The following BRAF variants were observed in gnomAD, a reference collection of about 807,000 sequenced individuals.
BRAF encodes B-Raf proto-oncogene, serine/threonine kinase.
In BRAF, 16 loss-of-function variants were observed where a neutral mutation model predicts 104.6. That is an observed-to-expected ratio of 0.15 (90% CI 0.10 to 0.23). The LOEUF (loss-of-function observed/expected upper bound fraction) is 0.23, where lower values mean the gene tolerates loss of function less well. Among genes scored for constraint, BRAF ranks in the 10% least tolerant of loss-of-function variants. The pLI is 1.00. For synonymous variants in BRAF, 310 were observed against 341.6 expected, an observed-to-expected ratio of 0.91 and a Z score of 1.02; for missense variants, 541 against 937.3, an observed-to-expected ratio of 0.58 and a Z score of 5.52.
At chr7:140,790,075 C>T (rs1801800942) in intron 8 of BRAF, among the ~76,000 whole-genome samples, 2 of 152,134 alleles carry the variant, frequency 1.3e-5, no homozygotes, top group African/African-American at 2.4e-5. Context: ...GACTTGGTCA[C>T]TGATAAAGCA....
In BRAF at chr7:140,924,364, C is replaced by CG. The variant is rs1237606358; in HGVS notation, c.138+201dup. Among the ~76,000 whole-genome samples the CG allele has an allele frequency of 6.6e-6, 1 of 152,182 alleles. No homozygotes were observed. The highest frequency in any genetic ancestry group is 2.4e-5 in the African/African-American group (1 of 41,460). Reference sequence around the variant, plus strand: ...TGGGGTGGGGGCCAGGGAAACCCCCCGGGCCATTGTGTGTGTTTACGTAGG... The same window carrying CG: ...TGGGGTGGGGGCCAGGGAAACCCCCCGGGGCCATTGTGTGTGTTTACGTAGG... On this transcript the variant is annotated intron_variant, in intron 1 of 19. Transcript: ENST00000644969. This position sits in a 1 kb window ranked among gnomAD's most constrained non-coding sequence, Gnocchi z 4.2.
intron 17 of BRAF, among the ~76,000 whole-genome samples, chr7:140,747,946 T>A (rs1260475875): frequency 6.6e-6 from 1 of 152,216 alleles, no homozygotes; most frequent in East Asian, 1.9e-4. Context: ...GTCATGTTGT[T>A]ACACACTCAA....
Position 140,721,651 on chromosome 7 carries a change from G to C in BRAF, c.*4843C>G. ...CAGAGATGCTACTACCCTCTTCTGG[G>C]GCTCAACTACCGATGGGCATCAGTA... On this transcript the variant is annotated 3_prime_UTR_variant, in exon 20 of 20. Transcript: ENST00000644969. 6.5e-7 allele frequency: 1 copy of C among 1,534,930 alleles called. No individual in the cohort carries two copies. Among genetic ancestry groups the C allele is most frequent in the South Asian group, 1.2e-5 (1 of 83,762 alleles).
chr7:140,747,503 T>G (rs1797449828), intron 17 of BRAF: 1 of 768,834 alleles, frequency 1.3e-6, no homozygotes, highest in Non-Finnish European at 1.9e-6. Context: ...TATCTGTATT[T>G]TGGAGATAAT....
intron 1 of BRAF, among the ~76,000 whole-genome samples, chr7:140,884,338 T>G (rs1431129087): frequency 6.6e-6 from 1 of 151,880 alleles, no homozygotes; most frequent in Admixed American, 6.6e-5. Flanking sequence ...ATAAGATATC[T>G]TTTACTTCTC....
At chr7:140,868,825 T>C (rs886344156) in intron 1 of BRAF, among the ~76,000 whole-genome samples, 2 of 152,220 alleles carry the variant, frequency 1.3e-5, no homozygotes. Context: ...AACTATAGTG[T>C]AAATGCCAAG....
At chr7:140,846,920 C>G (rs1247486195) in intron 2 of BRAF, among the ~76,000 whole-genome samples, 1 of 151,888 alleles carries the variant, frequency 6.6e-6, no homozygotes, top group Non-Finnish European at 1.5e-5. Context: ...CTTAGGGAGG[C>G]CGAGGCAGGT....
intron 14 of BRAF, among the ~76,000 whole-genome samples, chr7:140,760,558 G>C (rs1331910644): frequency 6.6e-6 from 1 of 152,046 alleles, no homozygotes; most frequent in Admixed American, 6.6e-5. Context: ...TACTGTCGAA[G>C]GAAGAAGAGG....
At position 140,815,432 on chromosome 7, in the gene BRAF, ATTTTTTTTTT is replaced by A. The variant is rs11445161; in HGVS notation, c.505-6447_505-6438del. Among the ~76,000 whole-genome samples the A allele has an allele frequency of 3.6e-5, 4 of 111,868 alleles. No individual in the cohort carries two copies. The South Asian group carries it at 8.7e-4, about 24-fold the overall frequency. The allele number at this position is 111,868 out of a possible 152,430, so 73.4% of individuals were successfully genotyped here. On this transcript the variant is annotated intron_variant, in intron 3 of 19. Transcript: ENST00000644969. ...AGTGCTAGGATTACAGGTGTGAGCC[ATTTTTTTTTT>A]TTTTTTTTTTTGAGACAGGGTCTTG...
chr7:140,772,259 CAG>C (rs1194773292), intron 14 of BRAF, among the ~76,000 whole-genome samples: 4 of 141,494 alleles, frequency 2.8e-5, no homozygotes, highest in African/African-American at 1.1e-4. Flanking sequence ...CTGATTAAAA[CAG>C]ATTGTTTAAC....
At chr7:140,800,211 C>T (rs182107136) in intron 7 of BRAF, 151 bp downstream of exon 7, 13 of 1,189,712 alleles carry the variant, frequency 1.1e-5, no homozygotes, top group Admixed American at 2.0e-5. Context: ...GTATCAAATG[C>T]ATGTAAATAT....
chr7:140,883,691 G>A (rs564419693), intron 1 of BRAF, among the ~76,000 whole-genome samples: 1 of 152,308 alleles, frequency 6.6e-6, no homozygotes, highest in East Asian at 1.9e-4. Flanking sequence ...AATGATGATT[G>A]TTATATCCTG....
In BRAF at chr7:140,778,090, T is replaced by C. The variant is rs2129019763; in HGVS notation, c.1553-15A>G. On this transcript the variant is annotated splice_polypyrimidine_tract_variant and intron_variant, in intron 12 of 19. Transcript: ENST00000644969. The stretch of plus-strand genomic sequence containing the variant: ...TGCCACATCACCTAAAAGGCAATTG[T>C]TACTCCAAGTGTCATTTCAATTTTT... The C allele has an allele frequency of 6.2e-7, 1 of 1,612,166 alleles. No individual in the cohort carries two copies. Among genetic ancestry groups the C allele is most frequent in the Non-Finnish European group, 8.5e-7 (1 of 1,178,764 alleles).
chr7:140,856,958 T>C (rs1809851884), intron 1 of BRAF, among the ~76,000 whole-genome samples: 1 of 151,954 alleles, frequency 6.6e-6, no homozygotes, highest in Non-Finnish European at 1.5e-5. Context: ...CAAGAAGTAA[T>C]ATCAAAGAAA....
intron 1 of BRAF, among the ~76,000 whole-genome samples, chr7:140,908,761 C>T (rs1345365196): frequency 6.6e-6 from 1 of 152,170 alleles, no homozygotes; most frequent in Non-Finnish European, 1.5e-5. Flanking sequence ...CCATCTAAAA[C>T]TGAGGTTATT....
In BRAF at chr7:140,721,214, T is replaced by C. The variant is rs1210247008; in HGVS notation, c.*5280A>G. The C allele has an allele frequency of 1.8e-6, 2 of 1,082,366 alleles. No homozygotes were observed. Among genetic ancestry groups the C allele is most frequent in the Non-Finnish European group, 2.2e-6 (2 of 890,928 alleles). 67.0% of individuals were successfully genotyped at this position (1,082,366 alleles called of 1,614,324 possible). ...TTAATAAAGCTGATTTAGTAATTAA[T>C]AAAACTTAACAGTTGAAGTTGTGGA... On this transcript the variant is annotated 3_prime_UTR_variant, in exon 20 of 20. Coordinates refer to ENST00000644969, the MANE Select transcript of BRAF (RefSeq NM_001374258.1).
chr7:140,771,759 G>A (rs1031439012), intron 14 of BRAF, among the ~76,000 whole-genome samples: 2 of 152,162 alleles, frequency 1.3e-5, no homozygotes, highest in Non-Finnish European at 2.9e-5. Context: ...AGTCCTTTGT[G>A]AGATGATGCT....
In BRAF at chr7:140,726,095, A is replaced by G. The variant is rs758566580; in HGVS notation, c.*399T>C. The stretch of plus-strand genomic sequence containing the variant: ...TTGGTGATTGAAACTGCCCCATCAG[A>G]TGATCAGCCACAAATTGATCTGGTG... On this transcript the variant is annotated 3_prime_UTR_variant, in exon 20 of 20. Coordinates refer to ENST00000644969, the MANE Select transcript of BRAF (RefSeq NM_001374258.1). 52 of 1,087,466 alleles carry G rather than the reference A, an allele frequency of 4.8e-5. No homozygotes were observed. The highest frequency in any genetic ancestry group is 5.3e-5 in the Non-Finnish European group (47 of 894,280). 67.4% of individuals were successfully genotyped at this position (1,087,466 alleles called of 1,614,324 possible).
intron 1 of BRAF, among the ~76,000 whole-genome samples, chr7:140,878,258 A>G (rs1812485257): frequency 6.6e-6 from 1 of 152,154 alleles, no homozygotes; most frequent in Non-Finnish European, 1.5e-5. Flanking sequence ...ACCTCACACC[A>G]TATTTTAAAA....
Sources: allele counts gnomAD v4.1 joint callset (sites outside exome capture counted in the v4.1 genomes callset), GRCh38; gene constraint gnomAD v4.1.1; non-coding constraint Gnocchi (gnomAD v3.1); transcripts MANE v1.5; gene names NCBI Gene and HGNC (gene_info 2026-07-23, HGNC 2026-07-21).